Variants in UBASH3B observed in about 807,000 individuals in gnomAD.
UBASH3B encodes ubiquitin-associated and SH3 domain-containing protein B.
A neutral mutation model predicts 83.4 loss-of-function variants in UBASH3B; 37 were observed. That is an observed-to-expected ratio of 0.44 (90% CI 0.34 to 0.58). UBASH3B has a LOEUF of 0.58. UBASH3B is among the 20% of genes least tolerant of loss of function. The pLI, the probability that UBASH3B is intolerant of heterozygous loss-of-function variation, is 0.01. For missense variants in UBASH3B, 657 were observed against 827.2 expected (o/e 0.79, Z 2.52); for synonymous variants, 304 against 318.3 (o/e 0.96, Z 0.48).
intron 1 of UBASH3B, among the ~76,000 whole-genome samples, chr11:122,678,795 C>A (rs932097163): frequency 1.3e-5 from 2 of 152,182 alleles, no homozygotes; most frequent in African/African-American, 4.8e-5. Flanking sequence ...ACTTATGAGG[C>A]ATAGCTTAGA....
At chr11:122,745,012 G>C (rs1362546593) in intron 1 of UBASH3B, among the ~76,000 whole-genome samples, 1 of 150,432 alleles carries the variant, frequency 6.6e-6, no homozygotes, top group African/African-American at 2.4e-5. Context: ...TGGGGAGAGG[G>C]TGTTGAGGAG....
chr11:122,713,745 CA>C (rs34816613), intron 1 of UBASH3B, among the ~76,000 whole-genome samples: 8,031 of 108,928 alleles, frequency 0.074, 199 homozygotes, highest in African/African-American at 0.11. Flanking sequence ...GACTCCATCT[CA>C]AAAAAAAAAA....
intron 1 of UBASH3B, among the ~76,000 whole-genome samples, chr11:122,691,022 G>A (rs958292075): frequency 3.3e-5 from 5 of 152,108 alleles, no homozygotes; most frequent in Non-Finnish European, 7.4e-5. Context: ...ACCAAACCCC[G>A]GGTCTTCCGG....
intron 2 of UBASH3B, among the ~76,000 whole-genome samples, chr11:122,776,730 G>T (rs1565560810): frequency 6.6e-6 from 1 of 152,160 alleles, no homozygotes; most frequent in Non-Finnish European, 1.5e-5. Context: ...AGTGGATTGG[G>T]AAAGGATTTG....
intron 1 of UBASH3B, among the ~76,000 whole-genome samples, chr11:122,693,119 CAAAG>C (rs1342319228): frequency 1.3e-5 from 2 of 151,862 alleles, no homozygotes; most frequent in Admixed American, 6.6e-5. Flanking sequence ...GGGAGAATGA[CAAAG>C]AACCTTCTCA....
chr11:122,726,228 G>A (rs76903017), intron 1 of UBASH3B: 2,397 of 155,446 alleles, frequency 0.015, 64 homozygotes, highest in African/African-American at 0.054. Flanking sequence ...GTAATATACC[G>A]ACATCGTAAC....
intron 1 of UBASH3B, among the ~76,000 whole-genome samples, chr11:122,733,372 GA>G (rs1860876170): frequency 6.6e-6 from 1 of 152,212 alleles, no homozygotes; most frequent in Non-Finnish European, 1.5e-5. Flanking sequence ...GTGATTGGAT[GA>G]AGGTATTGAC....
At chr11:122,675,120 C>T (rs1863650993) in intron 1 of UBASH3B, among the ~76,000 whole-genome samples, 1 of 152,328 alleles carries the variant, frequency 6.6e-6, no homozygotes. Context: ...GGGTCCCTAA[C>T]CCAAGTTTTC....
chr11:122,783,462 T>C (rs1591812172), intron 5 of UBASH3B, among the ~76,000 whole-genome samples: 1 of 151,846 alleles, frequency 6.6e-6, no homozygotes, highest in South Asian at 2.1e-4. Context: ...TAGTTCTGTC[T>C]CCCCTGCCAA....
chr11:122,735,802 C>A (rs1299235113), intron 1 of UBASH3B, among the ~76,000 whole-genome samples: 3 of 152,118 alleles, frequency 2.0e-5, no homozygotes, highest in Non-Finnish European at 4.4e-5. Flanking sequence ...AGGCAGAGTT[C>A]AGAGTTGTGG....
At chr11:122,755,012 T>C (rs958758874) in intron 1 of UBASH3B, among the ~76,000 whole-genome samples, 4 of 152,260 alleles carry the variant, frequency 2.6e-5, no homozygotes, top group Admixed American at 2.6e-4. Context: ...CGGACTTAAA[T>C]GTAAGCTCTG....
intron 6 of UBASH3B, among the ~76,000 whole-genome samples, chr11:122,791,334 CTGTT>C (rs1861049789): frequency 6.6e-6 from 1 of 152,212 alleles, no homozygotes; most frequent in African/African-American, 2.4e-5. Flanking sequence ...CTCTGAGCCT[CTGTT>C]TGCTCATCTA....
intron 1 of UBASH3B, among the ~76,000 whole-genome samples, chr11:122,675,488 T>C (rs562504485): frequency 6.6e-6 from 1 of 152,312 alleles, no homozygotes; most frequent in African/African-American, 2.4e-5. Context: ...TCAGAGTCTT[T>C]GTTCTGTTTG....
chr11:122,770,697 C>A (rs1201878523), intron 1 of UBASH3B, among the ~76,000 whole-genome samples: 2 of 152,174 alleles, frequency 1.3e-5, no homozygotes, highest in African/African-American at 4.8e-5. Flanking sequence ...CTGTCACTGT[C>A]ACCCCCAGCC....
intron 1 of UBASH3B, among the ~76,000 whole-genome samples, chr11:122,725,902 G>A (rs1420283057): frequency 6.6e-6 from 1 of 151,884 alleles, no homozygotes; most frequent in African/African-American, 2.4e-5. Context: ...CCATGTTGGC[G>A]AGGCTGGTCT....
chr11:122,760,700 C>T lies in UBASH3B; in HGVS notation c.162-15519C>T, dbSNP rs373492130. Among the ~76,000 whole-genome samples the T allele has an allele frequency of 9.2e-5, 14 of 152,246 alleles. No individual in the cohort carries two copies. In the East Asian group the frequency reaches 1.7e-3, roughly 19 times the overall value. ...TAAGTGTGAGAGAAGAACCAGGGAG[C>T]AGAATGTTTGAGGGTGAAACTGAAG... On this transcript the variant is annotated intron_variant, in intron 1 of 13. Coordinates refer to ENST00000284273, the MANE Select transcript of UBASH3B (RefSeq NM_032873.5).
At chr11:122,768,508 G>GTGTGTGTGTGTGTGTGTGTA (rs557159523) in intron 1 of UBASH3B, among the ~76,000 whole-genome samples, 3 of 134,318 alleles carry the variant, frequency 2.2e-5, no homozygotes, top group Admixed American at 7.7e-5. Flanking sequence ...GTGTGTGTGT[G>GTGTGTGTGTGTGTGTGTGTA]TATATATATA....
At chr11:122,719,200 C>G (rs10219151) in intron 1 of UBASH3B, among the ~76,000 whole-genome samples, 2 of 152,076 alleles carry the variant, frequency 1.3e-5, no homozygotes, top group African/African-American at 4.8e-5. Flanking sequence ...TAAGACCACG[C>G]GGCTAATAAT....
intron 1 of UBASH3B, among the ~76,000 whole-genome samples, chr11:122,732,747 A>T (rs1860863806): frequency 6.6e-6 from 1 of 152,242 alleles, no homozygotes; most frequent in Admixed American, 6.5e-5. Context: ...GCCTTAAAGT[A>T]AGGACACTTG....
Sources: gnomAD v4.1 joint callset for allele counts (sites outside exome capture counted in the v4.1 genomes callset) on GRCh38, gnomAD v4.1.1 for gene constraint, MANE v1.5 for transcripts, NCBI Gene and HGNC (gene_info 2026-07-23, HGNC 2026-07-21) for gene names.